The following PCDHA5 variants were observed in gnomAD, a reference collection of about 807,000 sequenced individuals.
The protein encoded by PCDHA5 is protocadherin alpha 5.
PCDHA5 carries 43 observed loss-of-function variants against 61.6 expected under a neutral mutation model. The ratio of observed to expected loss-of-function variants is 0.70; its 90% confidence interval spans 0.55 to 0.90. PCDHA5 has a LOEUF of 0.90. Among genes scored for constraint, PCDHA5 ranks in the 40% least tolerant of loss-of-function variants. The pLI is 0.00. For missense variants in PCDHA5, 1,298 were observed against 1,222.7 expected (o/e 1.06, Z -0.92); for synonymous variants, 627 against 543.9 (o/e 1.15, Z -2.13).
At chr5:140,843,844 A>T in intron 1 of PCDHA5, 1 of 1,001,286 alleles carries the variant, frequency 1.0e-6, no homozygotes, top group Non-Finnish European at 1.5e-6. Flanking sequence ...GTTTTTAGAA[A>T]CCTTTTATAA....
At chr5:140,927,258 T>C in intron 1 of PCDHA5, 1 of 1,613,878 alleles carries the variant, frequency 6.2e-7, no homozygotes, top group Non-Finnish European at 8.5e-7. Context: ...ACAACTCACC[T>C]CTCTTTCCTG....
chr5:140,833,882 G>A (rs1377980583), intron 1 of PCDHA5, among the ~76,000 whole-genome samples: 2 of 151,998 alleles, frequency 1.3e-5, no homozygotes, highest in Non-Finnish European at 2.9e-5. Flanking sequence ...AAGTTTCCTG[G>A]GATCTAGATC....
At chr5:140,984,547 C>T (rs1554246370) in intron 3 of PCDHA5, among the ~76,000 whole-genome samples, 2 of 152,118 alleles carry the variant, frequency 1.3e-5, no homozygotes, top group Non-Finnish European at 2.9e-5. Context: ...CTGGATAGAG[C>T]TTACATCTTC....
chr5:140,905,327 T>G (rs1446614190), intron 1 of PCDHA5, among the ~76,000 whole-genome samples: 1 of 152,202 alleles, frequency 6.6e-6, no homozygotes, highest in Non-Finnish European at 1.5e-5. Flanking sequence ...TATGCTTTGT[T>G]GAAGATCAGT....
rs2150297287 is a variant in PCDHA5, at chr5:140,839,391, T to C, written c.2352+15264T>C. Among the ~76,000 whole-genome samples, 80 of 151,830 alleles carry C rather than the reference T, an allele frequency of 5.3e-4. 1 individual carries two copies. The highest frequency in any genetic ancestry group is 1.8e-3 in the African/African-American group (75 of 41,346). On this transcript the variant is annotated intron_variant, in intron 1 of 3. Transcript: ENST00000529859. ...TATTCATCAATTATTATGATGATGATGATGATTATTATTTTTGAGACAGGG... is the reference window on the plus strand; with the variant it reads ...TATTCATCAATTATTATGATGATGACGATGATTATTATTTTTGAGACAGGG...
chr5:140,858,054 T>G, intron 1 of PCDHA5: 2 of 1,597,316 alleles, frequency 1.3e-6, no homozygotes, highest in South Asian at 2.2e-5. Flanking sequence ...GTGTCGCTTG[T>G]GGAGGGCAGC....
intron 1 of PCDHA5, chr5:140,857,579 G>A (rs782552455): frequency 3.1e-6 from 5 of 1,596,586 alleles, no homozygotes; most frequent in East Asian, 2.2e-5. Flanking sequence ...GTCGGTGCAC[G>A]CGGAGAGCGG....
chr5:140,903,818 T>A (rs1554191152), intron 1 of PCDHA5, among the ~76,000 whole-genome samples: 1 of 152,202 alleles, frequency 6.6e-6, no homozygotes. Context: ...AGTTCTCACA[T>A]GAATGTCTGT....
rs2150118924 is a variant in PCDHA5, at chr5:140,822,737, C to A, written c.962C>A (p.Ala321Asp). The A allele has an allele frequency of 1.9e-6, 3 of 1,613,148 alleles. 1 individual carries two copies. The South Asian group carries it at 3.3e-5, about 18-fold the overall frequency. ...AACTCATATGAAATTAATATTGATG[C>A]CATGGATAAAAGTACATTCCCATTA... ...DYNSYEINID[A>D]MDKSTFPLSG... The change falls in exon 1 of 4, where the codon GCC becomes GAC. Residue 321 changes from alanine to aspartate, a missense_variant. By Grantham distance (126) the Ala-to-Asp change is moderately radical. Coordinates refer to ENST00000529859, the MANE Select transcript of PCDHA5 (RefSeq NM_018908.3).
chr5:140,877,652 C>G (rs1456022709), intron 1 of PCDHA5: 1 of 1,613,520 alleles, frequency 6.2e-7, no homozygotes, highest in Non-Finnish European at 8.5e-7. Context: ...TCAGCGCCGC[C>G]CACCGTGAGC....
chr5:140,929,162 G>T (rs2153599635), intron 1 of PCDHA5: 4 of 1,614,060 alleles, frequency 2.5e-6, no homozygotes, highest in Non-Finnish European at 3.4e-6. Context: ...TATCTCTATC[G>T]GGCCTCTCTG....
At chr5:141,001,384 A>G (rs1554258149) in intron 3 of PCDHA5, among the ~76,000 whole-genome samples, 1 of 152,204 alleles carries the variant, frequency 6.6e-6, no homozygotes, top group African/African-American at 2.4e-5. Context: ...AGAGCCTAAG[A>G]TCCTACAGAG....
intron 1 of PCDHA5, 55 bp downstream of exon 1, chr5:140,824,182 T>C: frequency 6.2e-7 from 1 of 1,608,398 alleles, no homozygotes; most frequent in Middle Eastern, 1.7e-4. Context: ...AAATATTAAA[T>C]GTCACATTCA....
chr5:141,000,417 ATATATTTTTT>A (rs2097924181), intron 3 of PCDHA5, among the ~76,000 whole-genome samples: 1 of 77,748 alleles, frequency 1.3e-5, no homozygotes, highest in Non-Finnish European at 2.3e-5. Context: ...ATATATATAT[ATATATTTTTT>A]TTTTTTTTTT....
intron 1 of PCDHA5, chr5:140,928,805 T>C (rs1554206331): frequency 6.2e-7 from 1 of 1,614,162 alleles, no homozygotes. Context: ...GTGGTAGTGG[T>C]TCGGGACCAT....
intron 1 of PCDHA5, among the ~76,000 whole-genome samples, chr5:140,846,079 G>A (rs1024607553): frequency 1.3e-5 from 2 of 149,824 alleles, no homozygotes; most frequent in South Asian, 2.1e-4. Flanking sequence ...TTTTGGAAAG[G>A]TTAAAGTCCT....
At chr5:140,841,440 A>G in intron 1 of PCDHA5, 1 of 1,612,980 alleles carries the variant, frequency 6.2e-7, no homozygotes, top group Non-Finnish European at 8.5e-7. Flanking sequence ...GAGGAGGCCA[A>G]ACACGGCACC....
intron 1 of PCDHA5, among the ~76,000 whole-genome samples, chr5:140,919,511 G>A (rs782614998): frequency 1.3e-5 from 2 of 151,848 alleles, no homozygotes; most frequent in Non-Finnish European, 2.9e-5. Flanking sequence ...TTTTCTATAT[G>A]TTTTAATTCT....
intron 1 of PCDHA5, among the ~76,000 whole-genome samples, chr5:140,910,884 T>C (rs748501328): frequency 3.3e-5 from 5 of 152,254 alleles, no homozygotes; most frequent in Non-Finnish European, 7.3e-5. Flanking sequence ...ACCCTTAATA[T>C]CCATTCCTAT....
Sources: allele counts gnomAD v4.1 joint callset (sites outside exome capture counted in the v4.1 genomes callset), GRCh38; gene constraint gnomAD v4.1.1; transcripts MANE v1.5; gene names NCBI Gene and HGNC (gene_info 2026-07-23, HGNC 2026-07-21).